The following ERC2 variants were observed in gnomAD, a reference collection of about 807,000 sequenced individuals.
ERC2 encodes the protein ELKS/RAB6-interacting/CAST family member 2.
ERC2 carries 42 observed loss-of-function variants against 114.8 expected under a neutral mutation model. The observed-to-expected ratio is 0.37, with a 90% CI of 0.29 to 0.47. The LOEUF (loss-of-function observed/expected upper bound fraction) is 0.47, where lower values mean the gene tolerates loss of function less well. ERC2 is among the 20% of genes least tolerant of loss of function. The pLI, the probability that ERC2 is intolerant of heterozygous loss-of-function variation, is 0.99. For missense variants in ERC2, 939 were observed against 1,150.7 expected, an observed-to-expected ratio of 0.82 and a Z score of 2.66; for synonymous variants, 454 against 425.5, an observed-to-expected ratio of 1.07 and a Z score of -0.82.
At chr3:56,078,153 T>G (rs182028013) in intron 7 of ERC2, among the ~76,000 whole-genome samples, 1 of 152,320 alleles carries the variant, frequency 6.6e-6, no homozygotes, top group East Asian at 1.9e-4. Flanking sequence ...TCCTGAGCTC[T>G]CTTCTAAATT....
At chr3:55,515,161 C>A (rs547739727) in intron 17 of ERC2, among the ~76,000 whole-genome samples, 2 of 152,154 alleles carry the variant, frequency 1.3e-5, no homozygotes, top group Non-Finnish European at 2.9e-5. Context: ...ACAATTATGA[C>A]GTCAATCTTT....
intron 16 of ERC2, among the ~76,000 whole-genome samples, chr3:55,687,669 C>T (rs1169714812): frequency 6.6e-6 from 1 of 152,120 alleles, no homozygotes; most frequent in Admixed American, 6.5e-5. Context: ...TCGCCTCCAC[C>T]CCTAATTCAT....
intron 17 of ERC2, among the ~76,000 whole-genome samples, chr3:55,638,269 C>A (rs1471584222): frequency 1.3e-5 from 2 of 152,166 alleles, no homozygotes; most frequent in East Asian, 1.9e-4. Context: ...GAGAATTAAC[C>A]CCATTTGCAG....
chr3:56,358,571 A>C (rs540787463), intron 2 of ERC2, among the ~76,000 whole-genome samples: 1 of 152,372 alleles, frequency 6.6e-6, no homozygotes, highest in East Asian at 1.9e-4. Context: ...AACTGACCAC[A>C]CATAGCTTGG....
At chr3:55,957,020 C>T (rs2068005065) in intron 12 of ERC2, among the ~76,000 whole-genome samples, 1 of 152,136 alleles carries the variant, frequency 6.6e-6, no homozygotes, top group Non-Finnish European at 1.5e-5. Flanking sequence ...AAAAAGACAT[C>T]ATTTGTCATT....
intron 17 of ERC2, among the ~76,000 whole-genome samples, chr3:55,529,095 T>A (rs964492145): frequency 6.6e-6 from 1 of 152,200 alleles, no homozygotes; most frequent in African/African-American, 2.4e-5. Flanking sequence ...TTCCAGGAGA[T>A]GGGAGTCCCC....
At chr3:55,892,792 T>A (rs555000011) in intron 13 of ERC2, among the ~76,000 whole-genome samples, 1 of 152,164 alleles carries the variant, frequency 6.6e-6, no homozygotes, top group African/African-American at 2.4e-5. Context: ...GTAATTAAAT[T>A]GTCTTTTGGA....
At chr3:56,281,265 G>A (rs368016135) in intron 3 of ERC2, among the ~76,000 whole-genome samples, 108 of 150,964 alleles carry the variant, frequency 7.2e-4, no homozygotes, top group African/African-American at 2.3e-3. Flanking sequence ...GTGAAACCCC[G>A]TCTCTACTAA....
At chr3:56,134,795 C>T (rs533813213) in intron 6 of ERC2, among the ~76,000 whole-genome samples, 1 of 152,192 alleles carries the variant, frequency 6.6e-6, no homozygotes, top group East Asian at 1.9e-4. Context: ...GCATTATGTA[C>T]CACTGTCATA....
intron 7 of ERC2, among the ~76,000 whole-genome samples, chr3:56,061,582 T>G (rs1436612213): frequency 1.3e-5 from 2 of 152,176 alleles, no homozygotes; most frequent in East Asian, 1.9e-4. Flanking sequence ...AAATTCTAAA[T>G]AAAGGTCTTG....
intron 14 of ERC2, among the ~76,000 whole-genome samples, chr3:55,799,492 G>A (rs927897512): frequency 1.1e-5 from 1 of 88,238 alleles, no homozygotes; most frequent in Non-Finnish European, 2.3e-5. Context: ...CTATCACACG[G>A]CATCCTACAC....
intron 14 of ERC2, among the ~76,000 whole-genome samples, chr3:55,805,098 C>T (rs1311310584): frequency 6.6e-6 from 1 of 151,882 alleles, no homozygotes; most frequent in Non-Finnish European, 1.5e-5. Context: ...AGACAGGGAC[C>T]CTACTAACCT....
chr3:56,221,642 C>T (rs1303043112), intron 3 of ERC2, among the ~76,000 whole-genome samples: 9 of 152,228 alleles, frequency 5.9e-5, no homozygotes, highest in African/African-American at 2.2e-4. Flanking sequence ...CAGTGGCTCA[C>T]GCCTGTAATC....
chr3:56,164,388 T>C (rs949975359), intron 4 of ERC2, among the ~76,000 whole-genome samples: 2 of 152,110 alleles, frequency 1.3e-5, no homozygotes, highest in African/African-American at 4.8e-5. Flanking sequence ...TAGCATAATG[T>C]TTTCAAGGTT....
At chr3:55,631,735 T>A (rs2059765630) in intron 17 of ERC2, among the ~76,000 whole-genome samples, 1 of 128,354 alleles carries the variant, frequency 7.8e-6, no homozygotes, top group South Asian at 2.7e-4. Flanking sequence ...ACCTGACAGG[T>A]GGCTGGATAA....
chr3:55,697,965 A>G (rs963951552), intron 16 of ERC2, among the ~76,000 whole-genome samples: 3 of 152,056 alleles, frequency 2.0e-5, no homozygotes, highest in African/African-American at 7.2e-5. Flanking sequence ...TGGAGCAGGC[A>G]GAGGTGGGGA....
intron 14 of ERC2, among the ~76,000 whole-genome samples, chr3:55,831,116 A>T (rs894466466): frequency 1.3e-5 from 2 of 148,846 alleles, no homozygotes; most frequent in Non-Finnish European, 3.0e-5. Context: ...AGACCAGCCT[A>T]GGCAACATGA....
At chr3:55,666,372 CAT>C (rs934960782) in intron 17 of ERC2, among the ~76,000 whole-genome samples, 20 of 152,328 alleles carry the variant, frequency 1.3e-4, no homozygotes, top group African/African-American at 4.8e-4. Context: ...GTAACACACA[CAT>C]GGACATTTTC....
intron 14 of ERC2, among the ~76,000 whole-genome samples, chr3:55,862,290 C>T (rs928847294): frequency 7.2e-5 from 11 of 152,252 alleles, no homozygotes; most frequent in Admixed American, 5.9e-4. Flanking sequence ...TCTCTGGCAT[C>T]TGAGAGAAGC....
Sources: gnomAD v4.1 joint callset for allele counts (sites outside exome capture counted in the v4.1 genomes callset) on GRCh38, gnomAD v4.1.1 for gene constraint, MANE v1.5 for transcripts, NCBI Gene and HGNC (gene_info 2026-07-23, HGNC 2026-07-21) for gene names.